Variants in MYO16 observed in about 807,000 individuals in gnomAD.
MYO16 encodes unconventional myosin-XVI.
In MYO16, 94 loss-of-function variants were observed where a neutral mutation model predicts 205.3. The ratio of observed to expected loss-of-function variants is 0.46; its 90% confidence interval spans 0.39 to 0.54. The LOEUF (loss-of-function observed/expected upper bound fraction) is 0.54. Ranked by LOEUF, MYO16 falls within the 20% of genes least tolerant of loss-of-function variation. The pLI, the probability that MYO16 is intolerant of heterozygous loss-of-function variation, is 0.00. For missense variants in MYO16, 2,315 were observed against 2,387.5 expected (o/e 0.97, Z 0.63); for synonymous variants, 988 against 954.0 (o/e 1.04, Z -0.66).
intron 5 of MYO16, among the ~76,000 whole-genome samples, chr13:108,786,986 T>C (rs1409445703): frequency 6.6e-6 from 1 of 152,166 alleles, no homozygotes; most frequent in Non-Finnish European, 1.5e-5. Flanking sequence ...ACTTCTTAGT[T>C]GGGAAGTTAA....
the MYO16 span, among the ~76,000 whole-genome samples, chr13:108,542,913 TATA>T: frequency 6.6e-6 from 1 of 151,524 alleles, no homozygotes; most frequent in Non-Finnish European, 1.5e-5. Context: ...TGTGATTATT[TATA>T]ATAATATGAT....
At chr13:108,755,162 G>A (rs1321535259) in intron 4 of MYO16, among the ~76,000 whole-genome samples, 3 of 152,012 alleles carry the variant, frequency 2.0e-5, no homozygotes, top group Non-Finnish European at 4.4e-5. Flanking sequence ...TGGTAAAGCA[G>A]TCATTGTGTT....
chr13:108,797,698 T>C (rs553068391), intron 6 of MYO16, among the ~76,000 whole-genome samples: 1 of 152,258 alleles, frequency 6.6e-6, no homozygotes, highest in Admixed American at 6.5e-5. Flanking sequence ...TTAATTCATT[T>C]ATTACACATA....
chr13:109,022,960 T>C (rs1231079905), intron 23 of MYO16, among the ~76,000 whole-genome samples: 1 of 135,638 alleles, frequency 7.4e-6, no homozygotes, highest in Non-Finnish European at 1.5e-5. Context: ...CATTTATATA[T>C]TATATATACA....
At chr13:108,592,382 T>G (rs181500038), upstream of MYO16, among the ~76,000 whole-genome samples, 145 of 119,062 alleles carry the variant, frequency 1.2e-3, 1 homozygote, top group Middle Eastern at 9.7e-3. Context: ...TAGGCGGCTG[T>G]GTGTGGTGTG....
At chr13:108,941,912 C>T (rs1215182919) in intron 16 of MYO16, among the ~76,000 whole-genome samples, 1 of 152,258 alleles carries the variant, frequency 6.6e-6, no homozygotes, top group Non-Finnish European at 1.5e-5. Context: ...TTACTACAGA[C>T]ACATTATACT....
chr13:108,881,956 A>T (rs1188466238), intron 12 of MYO16, among the ~76,000 whole-genome samples: 1 of 152,150 alleles, frequency 6.6e-6, no homozygotes, highest in Non-Finnish European at 1.5e-5. Context: ...TGCCACAAAG[A>T]TACTCCTTGA....
At chr13:108,645,856 G>T (rs1245489491) in intron 1 of MYO16, among the ~76,000 whole-genome samples, 1 of 152,128 alleles carries the variant, frequency 6.6e-6, no homozygotes, top group Non-Finnish European at 1.5e-5. Flanking sequence ...CTTGACGCTG[G>T]ATCCACAGAG....
chr13:109,006,534 C>T (rs1400328037), intron 21 of MYO16, among the ~76,000 whole-genome samples: 2 of 152,176 alleles, frequency 1.3e-5, no homozygotes, highest in Non-Finnish European at 2.9e-5. Context: ...GCCACTGCAC[C>T]TGGCTAATAT....
chr13:108,740,832 G>T (rs1884881215), intron 4 of MYO16, among the ~76,000 whole-genome samples: 1 of 151,254 alleles, frequency 6.6e-6, no homozygotes, highest in Admixed American at 6.6e-5. Flanking sequence ...CCTCAGCAAT[G>T]GCAGGCACCC....
At chr13:108,595,060 A>G (rs1175027076), upstream of MYO16, among the ~76,000 whole-genome samples, 1 of 152,334 alleles carries the variant, frequency 6.6e-6, no homozygotes, top group Non-Finnish European at 1.5e-5. Context: ...TCTTAAATAC[A>G]TTCAGTCTAC....
chr13:108,601,519 T>C (rs1878762837), intron 1 of MYO16, among the ~76,000 whole-genome samples: 1 of 151,214 alleles, frequency 6.6e-6, no homozygotes, highest in Admixed American at 6.7e-5. Flanking sequence ...GACTAGACAG[T>C]TTATTTCTTT....
chr13:109,038,258 C>T (rs563655913), intron 23 of MYO16, among the ~76,000 whole-genome samples: 20 of 152,178 alleles, frequency 1.3e-4, no homozygotes, highest in South Asian at 2.1e-4. Context: ...AGGGTGTCTT[C>T]GAGGTGTTTT....
At chr13:108,819,354 C>A (rs196171) in intron 7 of MYO16, among the ~76,000 whole-genome samples, 133,407 of 152,134 alleles carry the variant, frequency 0.88, 61,074 homozygotes, top group Non-Finnish European at 1. Context: ...AAAACAAGGC[C>A]CGCAAGAATC....
the MYO16 span, among the ~76,000 whole-genome samples, chr13:108,540,107 G>A: frequency 6.6e-6 from 1 of 152,048 alleles, no homozygotes; most frequent in Non-Finnish European, 1.5e-5. Flanking sequence ...CTTGATTTCT[G>A]TAATTACATG....
At chr13:108,985,268 T>G (rs1400714731) in intron 20 of MYO16, among the ~76,000 whole-genome samples, 3 of 152,244 alleles carry the variant, frequency 2.0e-5, no homozygotes, top group African/African-American at 7.2e-5. Context: ...CTTTTATTCA[T>G]GCTGTGTTTC....
the MYO16 span, among the ~76,000 whole-genome samples, chr13:108,552,182 C>T: frequency 5.3e-5 from 8 of 152,204 alleles, no homozygotes; most frequent in African/African-American, 1.2e-4. Context: ...TGGCTACAGG[C>T]GTCTCTTGCA....
chr13:108,880,285 G>A (rs1192757441), intron 12 of MYO16, among the ~76,000 whole-genome samples: 2 of 152,182 alleles, frequency 1.3e-5, no homozygotes, highest in African/African-American at 4.8e-5. Context: ...TGGGTAGATT[G>A]CAAAAATTTT....
chr13:109,082,790 AAAAAAG>A (rs539118911), intron 27 of MYO16, among the ~76,000 whole-genome samples: 50 of 151,858 alleles, frequency 3.3e-4, no homozygotes, highest in Admixed American at 9.8e-4. Context: ...ACTCCATCTC[AAAAAAG>A]AAAAAGAAAA....
Sources: allele counts gnomAD v4.1 joint callset (sites outside exome capture counted in the v4.1 genomes callset), GRCh38; gene constraint gnomAD v4.1.1; transcripts MANE v1.5; gene names NCBI Gene and HGNC (gene_info 2026-07-23, HGNC 2026-07-21).